TCERG1L: variants seen among roughly 807,000 people sequenced by gnomAD.
TCERG1L encodes the protein transcription elongation regulator 1 like.
In TCERG1L, 37 loss-of-function variants were observed where a neutral mutation model predicts 56.3. That is an observed-to-expected ratio of 0.66 (90% CI 0.51 to 0.87). The LOEUF (loss-of-function observed/expected upper bound fraction) is 0.87. TCERG1L is among the 40% of genes least tolerant of loss of function. The pLI is 0.00. For synonymous variants in TCERG1L, 324 were observed against 326.3 expected, an observed-to-expected ratio of 0.99 and a Z score of 0.08; for missense variants, 799 against 774.2, an observed-to-expected ratio of 1.03 and a Z score of -0.38.
chr10:131,244,497 C>T (rs534056072), intron 4 of TCERG1L, among the ~76,000 whole-genome samples: 9 of 152,076 alleles, frequency 5.9e-5, no homozygotes, highest in African/African-American at 1.7e-4. Flanking sequence ...CTTTAAGGTG[C>T]GCTGGAAGAA....
intron 2 of TCERG1L, among the ~76,000 whole-genome samples, 157 bp from the exon 3 acceptor site, chr10:131,308,548 T>C (rs1846841311): frequency 6.6e-6 from 1 of 152,178 alleles, no homozygotes; most frequent in Non-Finnish European, 1.5e-5. Flanking sequence ...CTTAAAGAAG[T>C]TCCACAGGGC....
At chr10:131,158,992 G>A (rs967687087) in intron 6 of TCERG1L, among the ~76,000 whole-genome samples, 4 of 152,246 alleles carry the variant, frequency 2.6e-5, no homozygotes, top group East Asian at 3.9e-4. Flanking sequence ...TCTAAGACTC[G>A]ACCCCTGCCC....
intron 3 of TCERG1L, among the ~76,000 whole-genome samples, chr10:131,307,629 T>C (rs960760099): frequency 1.1e-4 from 16 of 152,184 alleles, no homozygotes; most frequent in African/African-American, 3.4e-4. Flanking sequence ...TGTTACTATA[T>C]AGGTTTATTA....
At chr10:131,228,623 G>A (rs1333047840) in intron 4 of TCERG1L, among the ~76,000 whole-genome samples, 4 of 66,714 alleles carry the variant, frequency 6.0e-5, no homozygotes. Flanking sequence ...CAAGGCCTCC[G>A]GAGTCTCCCC....
At position 131,176,303 on chromosome 10, in the gene TCERG1L, CAG is replaced by C. The variant is rs1448791118; in HGVS notation, c.857-9420_857-9419del. 3.3e-5 allele frequency among the ~76,000 whole-genome samples: 5 copies of C among 151,642 alleles called. No individual in the cohort carries two copies. The East Asian group carries it at 7.8e-4, about 24-fold the overall frequency. Reference sequence around the variant, plus strand: ...ACACACACCAAGAAACATGCACACACAGAGACACATGCACACAGAGACACGTG... The same window carrying C: ...ACACACACCAAGAAACATGCACACACAGACACATGCACACAGAGACACGTG... On this transcript the variant is annotated intron_variant, in intron 4 of 11. Transcript: ENST00000368642.
At chr10:131,306,660 A>T (rs117824622) in intron 3 of TCERG1L, among the ~76,000 whole-genome samples, 2,348 of 152,240 alleles carry the variant, frequency 0.015, 47 homozygotes, top group Middle Eastern at 0.02. Flanking sequence ...CCCACAAAAA[A>T]TTATAATAAT....
chr10:131,118,633 C>A lies in TCERG1L; in HGVS notation c.1260-1699G>T, dbSNP rs1287889965. Among the ~76,000 whole-genome samples, 2 of 152,124 alleles carry A rather than the reference C, an allele frequency of 1.3e-5. No individual in the cohort carries two copies. The highest frequency in any genetic ancestry group is 4.8e-5 in the African/African-American group (2 of 41,422). On this transcript the variant is annotated intron_variant, in intron 8 of 11. Coordinates refer to ENST00000368642, the MANE Select transcript of TCERG1L (RefSeq NM_174937.4). The surrounding 1 kb of genome is among the most constrained non-coding windows in gnomAD (Gnocchi z 4.2). ...TCTGCTGAGGTTGGTTCAGCCAAAA[C>A]CCCCCGATCCCTGAGGTCTGCTCTT...
chr10:131,126,730 C>A (rs113145463), intron 8 of TCERG1L, among the ~76,000 whole-genome samples: 1,948 of 152,318 alleles, frequency 0.013, 20 homozygotes, highest in Middle Eastern at 0.054. Context: ...TGGGAACTCA[C>A]GCTGGTGGCT....
intron 4 of TCERG1L, among the ~76,000 whole-genome samples, chr10:131,226,442 C>T (rs1589754492): frequency 1.3e-5 from 2 of 152,298 alleles, no homozygotes; most frequent in Middle Eastern, 3.4e-3. Flanking sequence ...TCTAGTCTGT[C>T]CCAGAAACAA....
chr10:131,140,866 C>T (rs1219417964), intron 7 of TCERG1L, among the ~76,000 whole-genome samples: 1 of 152,226 alleles, frequency 6.6e-6, no homozygotes, highest in Admixed American at 6.5e-5. Context: ...GAGGTGCCGC[C>T]TGCACTGGAG....
intron 4 of TCERG1L, among the ~76,000 whole-genome samples, chr10:131,233,267 CTTA>C (rs967972973): frequency 4.6e-4 from 70 of 152,292 alleles, no homozygotes; most frequent in African/African-American, 1.7e-3. Context: ...ATATTGAGAT[CTTA>C]TTGTTGCAAT....
intron 4 of TCERG1L, among the ~76,000 whole-genome samples, chr10:131,204,053 C>T (rs934381851): frequency 1.3e-5 from 2 of 151,714 alleles, no homozygotes; most frequent in African/African-American, 2.4e-5. Context: ...ATGGAATGAG[C>T]GACCTCATGG....
At chr10:131,308,592 T>C (rs888029913) in intron 2 of TCERG1L, among the ~76,000 whole-genome samples, 4 of 152,220 alleles carry the variant, frequency 2.6e-5, no homozygotes, top group African/African-American at 4.8e-5. Flanking sequence ...TAATGTCTTC[T>C]GGGCTGGCCT....
At chr10:131,304,207 C>G (rs907491915) in intron 3 of TCERG1L, among the ~76,000 whole-genome samples, 1 of 152,060 alleles carries the variant, frequency 6.6e-6, no homozygotes, top group Non-Finnish European at 1.5e-5. Context: ...TAGCAAGATC[C>G]TTCTATTTCA....
chr10:131,219,576 C>T (rs1270407488), intron 4 of TCERG1L, among the ~76,000 whole-genome samples: 1 of 152,204 alleles, frequency 6.6e-6, no homozygotes, highest in Admixed American at 6.5e-5. Context: ...GACCTGCGGG[C>T]TGCAGTGCAA....
At chr10:131,248,373 C>CA (rs1425286867) in intron 4 of TCERG1L, among the ~76,000 whole-genome samples, 1 of 152,178 alleles carries the variant, frequency 6.6e-6, no homozygotes, top group African/African-American at 2.4e-5. Context: ...GAAAGGTCTC[C>CA]ATGTCCCTAG....
At chr10:131,166,215 G>A (rs1296131742) in intron 5 of TCERG1L, among the ~76,000 whole-genome samples, 3 of 152,222 alleles carry the variant, frequency 2.0e-5, no homozygotes, top group African/African-American at 7.2e-5. Flanking sequence ...TGAAGTAAGA[G>A]ATAATGTTGA....
chr10:131,147,326 T>A (rs1299079098), intron 6 of TCERG1L, among the ~76,000 whole-genome samples: 2 of 150,968 alleles, frequency 1.3e-5, no homozygotes, highest in Admixed American at 6.6e-5. Context: ...GAAAAAAAAA[T>A]GAAGAGAAGA....
At chr10:131,298,798 T>C (rs1314708830) in intron 3 of TCERG1L, among the ~76,000 whole-genome samples, 1 of 152,236 alleles carries the variant, frequency 6.6e-6, no homozygotes, top group Non-Finnish European at 1.5e-5. Context: ...GATAAAAATA[T>C]ATGCCCTGTT....
Sources: allele counts gnomAD v4.1 joint callset (sites outside exome capture counted in the v4.1 genomes callset), GRCh38; gene constraint gnomAD v4.1.1; non-coding constraint Gnocchi (gnomAD v3.1); transcripts MANE v1.5; gene names NCBI Gene and HGNC (gene_info 2026-07-23, HGNC 2026-07-21).